Variants in ZHX1 observed in about 807,000 individuals in gnomAD.
ZHX1 encodes zinc fingers and homeoboxes 1.
Under a neutral mutation model 61.8 loss-of-function variants are expected in ZHX1, and 20 were observed. The ratio of observed to expected loss-of-function variants is 0.32; its 90% CI spans 0.23 to 0.47. ZHX1 has a LOEUF of 0.47. Ranked by LOEUF, ZHX1 falls within the 20% of genes least tolerant of loss-of-function variation. The probability of loss-of-function intolerance (pLI) is 1.00; values close to 1 mark genes in which losing one functional copy is unlikely to be tolerated. For synonymous variants in ZHX1, 318 were observed against 352.6 expected (o/e 0.90, Z 1.10); for missense variants, 800 against 1,034.8 (o/e 0.77, Z 3.11).
At chr8:123,267,908 G>C (rs1365612494) in intron 1 of ZHX1, among the ~76,000 whole-genome samples, 1 of 152,198 alleles carries the variant, frequency 6.6e-6, no homozygotes, top group Non-Finnish European at 1.5e-5. Context: ...AGCTGAGGCA[G>C]GAGAATCGCT....
chr8:123,255,278 T>G lies in ZHX1; in HGVS notation c.669A>C (p.Glu223Asp). The change falls in exon 3 of 4, where the codon GAA (glutamate) becomes GAC (aspartate). Residue 223 changes from glutamate to aspartate, a missense_variant. Physicochemically the swap from Glu to Asp is conservative, Grantham distance 45. Coordinates refer to ENST00000395571, the MANE Select transcript of ZHX1 (RefSeq NM_007222.5). Reference protein sequence around the residue: ...EIKPDREEIVENPSSSASESN... With the variant: ...EIKPDREEIVDNPSSSASESN... ...ATTCAGAAGCTGAAGAACTTGGATT[T>G]TCTACAATTTCTTCACGGTCTGGTT... The G allele has an allele frequency of 1.2e-6, 2 of 1,614,224 alleles. No individual in the cohort carries two copies. The highest frequency in any genetic ancestry group is 1.7e-6 in the Non-Finnish European group (2 of 1,180,046).
intron 3 of ZHX1, among the ~76,000 whole-genome samples, chr8:123,250,709 T>C (rs911750905): frequency 2.6e-5 from 4 of 152,220 alleles, no homozygotes; most frequent in African/African-American, 9.6e-5. Context: ...AAGGTTTTGG[T>C]AACTTTTTTG....
intron 2 of ZHX1, among the ~76,000 whole-genome samples, chr8:123,259,833 T>C (rs2131202338): frequency 6.6e-6 from 1 of 152,282 alleles, no homozygotes; most frequent in East Asian, 1.9e-4. Context: ...TCAAACAAAA[T>C]GCTATGAGAA....
At chr8:123,275,259 C>T (rs942372513), upstream of ZHX1, 1 of 152,460 alleles carries the variant, frequency 6.6e-6, no homozygotes, top group African/African-American at 2.4e-5. Flanking sequence ...CGTCTCCGCC[C>T]CTCCCTACTC....
chr8:123,254,470 C>T lies in ZHX1; in HGVS notation c.1477G>A (p.Glu493Lys). ...GTTATTTTCATAAGTCTGATAATTT[C>T]TGAATCATGGGGAAACTGATTTTTA... ...YLKNQFPHDS[E>K]IIRLMKITGL... The change falls in exon 3 of 4, where the codon GAA becomes AAA. Residue 493 changes from glutamate to lysine, a missense_variant. Coordinates refer to ENST00000395571, the MANE Select transcript of ZHX1 (RefSeq NM_007222.5). This position sits in a 1 kb window ranked among gnomAD's most constrained non-coding sequence, Gnocchi z 4.1. 1 of 1,614,028 alleles carries T rather than the reference C, an allele frequency of 6.2e-7. No individual in the cohort carries two copies.
At chr8:123,261,593 G>C (rs1336219271) in intron 2 of ZHX1, among the ~76,000 whole-genome samples, 1 of 152,156 alleles carries the variant, frequency 6.6e-6, no homozygotes, top group Non-Finnish European at 1.5e-5. Flanking sequence ...ACTATGATCA[G>C]TGCAGTAAGA....
rs1460246373 is a variant in ZHX1, at chr8:123,253,501, C to G, written c.2446G>C (p.Glu816Gln). 6.2e-7 allele frequency: 1 copy of G among 1,614,048 alleles called. No individual in the cohort carries two copies. The highest frequency in any genetic ancestry group is 8.5e-7 in the Non-Finnish European group (1 of 1,180,012). Reference protein sequence around the residue: ...KSHMGYEQVREWFAERQRRSE... With the variant: ...KSHMGYEQVRQWFAERQRRSE... ...CTTCTCTGTCTTTCTGCAAACCACT[C>G]TCTGACCTGCTCATAGCCCATATGT... Residue 816 changes from glutamate to glutamine, a missense_variant, in exon 3 of 4, where the codon GAG becomes CAG. By Grantham distance (29) the Glu-to-Gln change is conservative (BLOSUM62 2). Transcript: ENST00000395571.
intron 1 of ZHX1, 102 bp from the exon 2 acceptor site, chr8:123,267,488 G>C: frequency 2.5e-6 from 1 of 394,204 alleles, no homozygotes; most frequent in East Asian, 3.7e-5. Flanking sequence ...ATGTAATTTT[G>C]AAAAAAAAAG....
At position 123,254,648 on chromosome 8, in the gene ZHX1, A is replaced by G; in HGVS notation, c.1299T>C (p.Ala433=). 3 of 1,614,206 alleles carry G rather than the reference A, an allele frequency of 1.9e-6. No homozygotes were observed. The highest frequency in any genetic ancestry group is 2.5e-6 in the Non-Finnish European group (3 of 1,180,022). Residue 433 remains alanine (A), a synonymous_variant, in exon 3 of 4, where the codon GCT becomes GCC. Transcript: ENST00000395571. The surrounding 1 kb of genome is among the most constrained non-coding windows in gnomAD (Gnocchi z 4.1). ...GCTTTGTTTCTGCAGTAGGCTGAGC[A>G]GCAGGTACCTGACTTTTCTGTATAT... The part of the protein sequence containing the change: ...QNNIQKSQVP[A]AQPTAETKPA...
At chr8:123,262,667 T>C (rs553879831) in intron 2 of ZHX1, among the ~76,000 whole-genome samples, 4 of 152,156 alleles carry the variant, frequency 2.6e-5, no homozygotes, top group Non-Finnish European at 5.9e-5. Context: ...TTAATATTGT[T>C]ATCACATTGC....
rs754351377 is a variant in ZHX1 at position 123,254,122 on chromosome 8, T to C, written c.1825A>G (p.Arg609Gly). Residue 609 changes from arginine to glycine, a missense_variant, in exon 3 of 4, where the codon AGA (arginine) becomes GGA (glycine). Transcript: ENST00000395571. The surrounding 1 kb of genome is among the most constrained non-coding windows in gnomAD (Gnocchi z 4.1). ...GTAAACCAAGCATCGATTTCTCTTC[T>C]GGTAAGTTTGGTTTGTGCCCTTAAC... is the stretch of plus-strand genomic sequence containing the variant. ...NRLRAQTKLTRREIDAWFTEK... is the reference protein window; with the variant it reads ...NRLRAQTKLTGREIDAWFTEK... 19 of 1,614,074 alleles carry C rather than the reference T, an allele frequency of 1.2e-5. No individual in the cohort carries two copies. Among genetic ancestry groups the C allele is most frequent in the Admixed American group, 5.0e-5 (3 of 60,006 alleles).
chr8:123,266,019 G>A lies in ZHX1; in HGVS notation c.-226+1254C>T, dbSNP rs182175644. ...TGGCAAGCTCTGACCACAGATTTGC[G>A]GGAGTGAAATGTCTTTTTGAAAGGT... On this transcript the variant is annotated intron_variant, in intron 2 of 3. Coordinates refer to ENST00000395571, the MANE Select transcript of ZHX1 (RefSeq NM_007222.5). 5.2e-3 allele frequency among the ~76,000 whole-genome samples: 790 copies of A among 152,186 alleles called. 4 individuals are homozygous for A. The highest frequency in any genetic ancestry group is 9.1e-3 in the Non-Finnish European group (619 of 68,000).
At chr8:123,274,685 C>T (rs909270520), upstream of ZHX1, among the ~76,000 whole-genome samples, 2 of 151,994 alleles carry the variant, frequency 1.3e-5, no homozygotes, top group Non-Finnish European at 2.9e-5. Context: ...CCCGCCTTCC[C>T]AGGGCTCGAA....
chr8:123,268,893 A>G (rs1270268192), intron 1 of ZHX1, among the ~76,000 whole-genome samples: 1 of 152,200 alleles, frequency 6.6e-6, no homozygotes, highest in African/African-American at 2.4e-5. Context: ...TGCTACTATT[A>G]CATACAAGTT....
At chr8:123,253,194 C>A in intron 3 of ZHX1, 128 bp downstream of exon 3, 1 of 699,434 alleles carries the variant, frequency 1.4e-6, no homozygotes, top group South Asian at 2.1e-5. Context: ...GGTACCTAGT[C>A]TTATTAGGGA....
chr8:123,272,031 G>A (rs902653862), intron 1 of ZHX1, among the ~76,000 whole-genome samples: 1 of 152,208 alleles, frequency 6.6e-6, no homozygotes, highest in South Asian at 2.1e-4. Context: ...AGAGCTACAT[G>A]AACATTGAGG....
chr8:123,254,804 T>C lies in ZHX1; in HGVS notation c.1143A>G (p.Leu381=). The change falls in exon 3 of 4, where the codon TTA becomes TTG. Residue 381 remains leucine, a synonymous_variant. Coordinates refer to ENST00000395571, the MANE Select transcript of ZHX1 (RefSeq NM_007222.5). This position sits in a 1 kb window ranked among gnomAD's most constrained non-coding sequence, Gnocchi z 4.1. ...TTTGGCATGTCTGTAAAATAGATGGTAAACCATTACTCCCTGTGGAAATGT... is the reference window on the plus strand; with the variant it reads ...TTTGGCATGTCTGTAAAATAGATGGCAAACCATTACTCCCTGTGGAAATGT... ...PTHISTGSNG[L]PSILQTCQIV... The C allele has an allele frequency of 1.9e-6, 3 of 1,614,234 alleles. No individual in the cohort carries two copies. Among genetic ancestry groups the C allele is most frequent in the Non-Finnish European group, 2.5e-6 (3 of 1,180,046 alleles).
At chr8:123,269,183 G>A (rs1826563662) in intron 1 of ZHX1, among the ~76,000 whole-genome samples, 1 of 152,130 alleles carries the variant, frequency 6.6e-6, no homozygotes, top group Non-Finnish European at 1.5e-5. Context: ...AAAGAGGGAA[G>A]GTTATTTTCC....
At position 123,253,964 on chromosome 8, in the gene ZHX1, T is replaced by C. The variant is rs1365571517; in HGVS notation, c.1983A>G (p.Thr661=). The part of the protein sequence containing the change: ...DESGAPKSGS[T]GKICKKTPEQ... ...CAGGTGTTTTTTTACATATCTTGCC[T>C]GTACTCCCTGACTTAGGTGCACCAG... Residue 661 remains threonine (T), a synonymous_variant, in exon 3 of 4, where the codon ACA becomes ACG. Transcript: ENST00000395571. The C allele has an allele frequency of 1.9e-6, 3 of 1,614,096 alleles. No homozygotes were observed. The highest frequency in any genetic ancestry group is 2.7e-5 in the African/African-American group (2 of 74,932).
Sources: gnomAD v4.1 joint callset for allele counts (sites outside exome capture counted in the v4.1 genomes callset) on GRCh38, gnomAD v4.1.1 for gene constraint, Gnocchi (gnomAD v3.1) non-coding constraint, MANE v1.5 for transcripts, NCBI Gene and HGNC (gene_info 2026-07-23, HGNC 2026-07-21) for gene names.